Variants in SATB1 observed in about 807,000 individuals in gnomAD.
SATB1 encodes SATB homeobox 1.
In SATB1, 11 loss-of-function variants were observed where a neutral mutation model predicts 86.9. That is an observed-to-expected ratio of 0.13 (90% CI 0.08 to 0.21). SATB1 has a LOEUF of 0.21. SATB1 is among the 10% of genes least tolerant of loss of function. The pLI is 1.00. For missense variants in SATB1, 551 were observed against 937.6 expected, an observed-to-expected ratio of 0.59 and a Z score of 5.39; for synonymous variants, 357 against 357.2, an observed-to-expected ratio of 1.00 and a Z score of 0.01.
chr3:18,373,638 C>CT (rs1354522252), intron 9 of SATB1, among the ~76,000 whole-genome samples: 1 of 152,168 alleles, frequency 6.6e-6, no homozygotes, highest in Non-Finnish European at 1.5e-5. Flanking sequence ...ATGACGTTTT[C>CT]TTTCACCTAC....
At chr3:18,417,949 G>A (rs959192328) in intron 2 of SATB1, among the ~76,000 whole-genome samples, 15 of 152,092 alleles carry the variant, frequency 9.9e-5, no homozygotes, top group Admixed American at 5.9e-4. Flanking sequence ...AATAAGCACC[G>A]GCCACACTAC....
At chr3:18,351,419 G>C in intron 10 of SATB1, 1 of 1,532,686 alleles carries the variant, frequency 6.5e-7, no homozygotes, top group Non-Finnish European at 8.8e-7. Flanking sequence ...CTAAAGGAAA[G>C]ACAAACAGAG....
chr3:18,367,794 C>T (rs1173616356), intron 9 of SATB1, among the ~76,000 whole-genome samples: 1 of 152,100 alleles, frequency 6.6e-6, no homozygotes, highest in Non-Finnish European at 1.5e-5. Context: ...TACAAATACA[C>T]AAAAATGTTT....
At chr3:18,437,704 T>C (rs1359730243) in intron 1 of SATB1, among the ~76,000 whole-genome samples, 1 of 152,190 alleles carries the variant, frequency 6.6e-6, no homozygotes, top group Non-Finnish European at 1.5e-5. Context: ...TTTTAAAACA[T>C]AGTTATTAAA....
rs1694119750 is a variant in SATB1 at position 18,347,554 on chromosome 3, C to A, written c.*1616G>T. Reference sequence around the variant, plus strand: ...ATTTTTTCCCCTACTTATTTTGTTACTATTAATGGCCTTTAGAAATATTTA... The same window carrying A: ...ATTTTTTCCCCTACTTATTTTGTTAATATTAATGGCCTTTAGAAATATTTA... On this transcript the variant is annotated 3_prime_UTR_variant, in exon 11 of 11. Transcript: ENST00000338745. 6.6e-6 allele frequency: 1 copy of A among 151,020 alleles called. No individual in the cohort carries two copies. Among genetic ancestry groups the A allele is most frequent in the African/African-American group, 2.4e-5 (1 of 41,038 alleles). 9.4% of individuals were successfully genotyped at this position (151,020 alleles called of 1,614,324 possible).
At chr3:18,409,973 T>C (rs1328541) in intron 5 of SATB1, among the ~76,000 whole-genome samples, 1 of 152,082 alleles carries the variant, frequency 6.6e-6, no homozygotes, top group African/African-American at 2.4e-5. Context: ...CAAAGGGCTA[T>C]TAGCATAATT....
At chr3:18,385,779 A>G (rs183018709) in intron 8 of SATB1, among the ~76,000 whole-genome samples, 25 of 152,342 alleles carry the variant, frequency 1.6e-4, no homozygotes, top group Non-Finnish European at 2.9e-4. Flanking sequence ...AAAACAATAC[A>G]GATTCACATA....
At chr3:18,431,883 G>A (rs1198349639) in intron 2 of SATB1, among the ~76,000 whole-genome samples, 1 of 152,136 alleles carries the variant, frequency 6.6e-6, no homozygotes, top group Non-Finnish European at 1.5e-5. Flanking sequence ...TAATAAACTA[G>A]CATTTGGGCA....
intron 8 of SATB1, among the ~76,000 whole-genome samples, chr3:18,381,031 T>C (rs1424473209): frequency 6.6e-6 from 1 of 152,192 alleles, no homozygotes; most frequent in African/African-American, 2.4e-5. Context: ...ATAGCTTTTA[T>C]CAAGGTAGGG....
rs1694964906 is a variant in SATB1, at chr3:18,362,786, A to G, written c.1576-10591T>C. Among the ~76,000 whole-genome samples, 4 of 140,674 alleles carry G rather than the reference A, an allele frequency of 2.8e-5. 1 individual carries two copies. The highest frequency in any genetic ancestry group is 4.6e-4 in the South Asian group (2 of 4,348). 92.3% of individuals were successfully genotyped at this position (140,674 alleles called of 152,430 possible). A position where few individuals can be genotyped will look rare whatever the true frequency, so the allele number is the denominator to read the frequency against. On this transcript the variant is annotated intron_variant, in intron 9 of 10. Coordinates refer to ENST00000338745, the MANE Select transcript of SATB1 (RefSeq NM_002971.6). ...TTCCTAAAGTCACTATTAAAAATTTATAATATTTATTTTCCTATTCAAAAT... is the reference window on the plus strand; with the variant it reads ...TTCCTAAAGTCACTATTAAAAATTTGTAATATTTATTTTCCTATTCAAAAT...
chr3:18,432,741 T>C (rs1212226040), intron 2 of SATB1, among the ~76,000 whole-genome samples: 2 of 151,288 alleles, frequency 1.3e-5, no homozygotes, highest in South Asian at 2.1e-4. Context: ...CACTGAATTG[T>C]ACACCTAGAA....
chr3:18,417,908 T>C (rs759205839), intron 2 of SATB1, among the ~76,000 whole-genome samples: 43 of 152,100 alleles, frequency 2.8e-4, no homozygotes, highest in Non-Finnish European at 5.3e-4. Context: ...TATATTTTAA[T>C]CCAATACAGT....
intron 2 of SATB1, among the ~76,000 whole-genome samples, chr3:18,418,793 C>T (rs1323678357): frequency 6.6e-6 from 1 of 152,090 alleles, no homozygotes; most frequent in Non-Finnish European, 1.5e-5. Flanking sequence ...TTAATAAAAA[C>T]CCACAAAAAG....
Position 18,394,549 on chromosome 3 carries a change from G to C in SATB1, c.1119C>G (p.Ser373=). Residue 373 remains serine, a synonymous_variant, in exon 7 of 11, where the codon TCC becomes TCG. Transcript: ENST00000338745. The surrounding 1 kb of genome is among the most constrained non-coding windows in gnomAD (Gnocchi z 5.9). ...CATCGCGTACCCACTGGTAGATTTC[G>C]GAAGACACCTCTGTGTTGGTCGAAA... The part of the protein sequence containing the change: ...QQVSTNTEVS[S]EIYQWVRDEL... 1.2e-6 allele frequency: 2 copies of C among 1,614,118 alleles called. No homozygotes were observed. Among genetic ancestry groups the C allele is most frequent in the South Asian group, 2.2e-5 (2 of 91,076 alleles).
chr3:18,404,800 CAAACCA>C (rs139791741), intron 5 of SATB1, among the ~76,000 whole-genome samples: 21,627 of 151,624 alleles, frequency 0.14, 1,949 homozygotes, highest in East Asian at 0.4. Context: ...AAACCTAACT[CAAACCA>C]AATGAATATA....
At chr3:18,355,764 G>A (rs1694600319) in intron 9 of SATB1, among the ~76,000 whole-genome samples, 1 of 151,938 alleles carries the variant, frequency 6.6e-6, no homozygotes, top group Non-Finnish European at 1.5e-5. Context: ...TAAATTAAAT[G>A]AGCTCACAAC....
At chr3:18,351,140 T>G (rs1267426003) in intron 10 of SATB1, 1 of 642,610 alleles carries the variant, frequency 1.6e-6, no homozygotes, top group East Asian at 2.8e-5. Flanking sequence ...TGGTGACAAG[T>G]CCCATGACAT....
upstream of SATB1, among the ~76,000 whole-genome samples, chr3:18,442,216 A>G (rs1451176282): frequency 6.6e-6 from 1 of 151,538 alleles, no homozygotes; most frequent in East Asian, 1.9e-4. Context: ...AGGAGGTAGT[A>G]CTTTAGGAGG....
intron 1 of SATB1, among the ~76,000 whole-genome samples, 155 bp downstream of exon 1, chr3:18,423,472 T>G (rs1167853712): frequency 6.6e-6 from 1 of 152,180 alleles, no homozygotes; most frequent in Non-Finnish European, 1.5e-5. Context: ...AATCACATTT[T>G]AAGATTGTGC....
Sources: gnomAD v4.1 joint callset for allele counts (sites outside exome capture counted in the v4.1 genomes callset) on GRCh38, gnomAD v4.1.1 for gene constraint, Gnocchi (gnomAD v3.1) non-coding constraint, MANE v1.5 for transcripts, NCBI Gene and HGNC (gene_info 2026-07-23, HGNC 2026-07-21) for gene names.